TRAPPC9: variants seen among roughly 807,000 people sequenced by gnomAD.
The protein encoded by TRAPPC9 is IKK2 binding protein.
A neutral mutation model predicts 124.0 loss-of-function variants in TRAPPC9; 83 were observed. The ratio of observed to expected loss-of-function variants is 0.67; its 90% CI spans 0.56 to 0.80. The LOEUF is 0.80. TRAPPC9 is among the 30% of genes least tolerant of loss of function. TRAPPC9 has a pLI of 0.00. For synonymous variants in TRAPPC9, 638 were observed against 617.5 expected (o/e 1.03, Z -0.49); for missense variants, 1,302 against 1,508.3 (o/e 0.86, Z 2.27).
In TRAPPC9 at chr8:139,910,203, G is replaced by C; in HGVS notation, c.2908C>G (p.Arg970Gly). ...FANPKQLEEE[R>G]REARGLEIHS... is the part of the protein sequence containing the mutation. The stretch of plus-strand genomic sequence containing the variant: ...ATCTCCAGGCCTCGGGCTTCCCGCC[G>C]CTCTTCCTCCAGCTGCTTGGGGTTT... The change falls in exon 20 of 23, where the codon CGG becomes GGG. Residue 970 changes from arginine (R) to glycine (G), a missense_variant. This residue lies in a region of TRAPPC9 where 640 missense variants were observed against 679.3 expected (regional missense o/e 0.94). Coordinates refer to ENST00000438773, the MANE Select transcript of TRAPPC9 (RefSeq NM_001160372.4). 3.7e-6 allele frequency: 6 copies of C among 1,614,154 alleles called. No individual in the cohort carries two copies. Among genetic ancestry groups the C allele is most frequent in the Non-Finnish European group, 5.1e-6 (6 of 1,180,018 alleles).
chr8:139,756,996 T>A (rs1379707127), intron 21 of TRAPPC9, among the ~76,000 whole-genome samples: 1 of 37,476 alleles, frequency 2.7e-5, no homozygotes. Flanking sequence ...GAGGACAGCA[T>A]GTCGCAGGAG....
intron 16 of TRAPPC9, among the ~76,000 whole-genome samples, chr8:140,245,411 G>A (rs1022718645): frequency 6.6e-5 from 10 of 152,066 alleles, no homozygotes; most frequent in African/African-American, 1.5e-4. Flanking sequence ...TTTTAAATGC[G>A]TCATTTAACT....
rs1345640759 is a variant in TRAPPC9, at chr8:140,216,472, C to T, written c.2556+4987G>A. On this transcript the variant is annotated intron_variant, in intron 17 of 22. Coordinates refer to ENST00000438773, the MANE Select transcript of TRAPPC9 (RefSeq NM_001160372.4). This position sits in a 1 kb window ranked among gnomAD's most constrained non-coding sequence, Gnocchi z 4.1. ...AACTGTAAGAGCCTATCCTGTGAGA[C>T]ACAGAAAAAATCCTCTTCTTGTCTA... Among the ~76,000 whole-genome samples, 1 of 152,196 alleles carries T rather than the reference C, an allele frequency of 6.6e-6. No homozygotes were observed. The highest frequency in any genetic ancestry group is 1.5e-5 in the Non-Finnish European group (1 of 68,022).
chr8:140,265,547 C>T (rs1379430892), intron 15 of TRAPPC9, among the ~76,000 whole-genome samples: 4 of 152,162 alleles, frequency 2.6e-5, no homozygotes, highest in African/African-American at 9.7e-5. Context: ...TTTCCCCATC[C>T]TTCCTGTGGC....
chr8:140,176,204 G>C (rs1003828534), intron 17 of TRAPPC9, among the ~76,000 whole-genome samples: 66 of 152,322 alleles, frequency 4.3e-4, no homozygotes, highest in African/African-American at 1.6e-3. Flanking sequence ...GCCACTCCAA[G>C]TGTATGCAAA....
In TRAPPC9 at chr8:139,962,074, A is replaced by C. The variant is rs1835396000; in HGVS notation, c.2810+26652T>G. 1.6e-5 allele frequency among the ~76,000 whole-genome samples: 2 copies of C among 124,212 alleles called. 1 individual carries two copies. The highest frequency in any genetic ancestry group is 5.1e-5 in the African/African-American group (2 of 39,300). 81.5% of individuals were successfully genotyped at this position (124,212 alleles called of 152,430 possible). On this transcript the variant is annotated intron_variant, in intron 19 of 22. Coordinates refer to ENST00000438773, the MANE Select transcript of TRAPPC9 (RefSeq NM_001160372.4). Reference sequence around the variant, plus strand: ...GGGCCTCTTCTCTGCTGAGAACTGAACACTTGAAGGATGACTTGCCTACAA... The same window carrying C: ...GGGCCTCTTCTCTGCTGAGAACTGACCACTTGAAGGATGACTTGCCTACAA...
At chr8:139,988,448 A>G (rs1837395389) in intron 19 of TRAPPC9, among the ~76,000 whole-genome samples, 1 of 151,858 alleles carries the variant, frequency 6.6e-6, no homozygotes, top group Non-Finnish European at 1.5e-5. Context: ...AACAGCAAAG[A>G]TGCCCGGATG....
At chr8:140,424,553 C>T (rs1296797133) in intron 5 of TRAPPC9, among the ~76,000 whole-genome samples, 1 of 150,722 alleles carries the variant, frequency 6.6e-6, no homozygotes, top group Non-Finnish European at 1.5e-5. Context: ...GCAGAATTGC[C>T]TGGAGTTCAA....
At chr8:140,117,981 AT>A (rs1344624476) in intron 17 of TRAPPC9, among the ~76,000 whole-genome samples, 1 of 152,270 alleles carries the variant, frequency 6.6e-6, no homozygotes, top group Non-Finnish European at 1.5e-5. Flanking sequence ...GAACTATACC[AT>A]TTACCTGCAA....
At chr8:139,819,359 G>C (rs1825092007) in intron 21 of TRAPPC9, among the ~76,000 whole-genome samples, 1 of 152,074 alleles carries the variant, frequency 6.6e-6, no homozygotes, top group South Asian at 2.1e-4. Flanking sequence ...AATAATAGTA[G>C]AAATAAAGTG....
intron 17 of TRAPPC9, among the ~76,000 whole-genome samples, chr8:140,036,339 C>T (rs909065033): frequency 6.6e-6 from 1 of 151,812 alleles, no homozygotes; most frequent in African/African-American, 2.4e-5. Context: ...CTGATGGGGA[C>T]GTGTTCGGGG....
Position 140,285,418 on chromosome 8 carries a change from C to T in TRAPPC9, c.1982-1397G>A, listed in dbSNP as rs749238590. On this transcript the variant is annotated intron_variant, in intron 13 of 22. Transcript: ENST00000438773. ...TGCTGTCCCTGCCTCCAGTCCTTCC[C>T]ATCTCAACAGGGATCCTGGATCCTG... 6.2e-4 allele frequency among the ~76,000 whole-genome samples: 94 copies of T among 152,312 alleles called. 1 individual carries two copies. The highest frequency in any genetic ancestry group is 1.0e-3 in the Non-Finnish European group (70 of 68,030).
At chr8:140,195,292 C>A (rs1372584354) in intron 17 of TRAPPC9, among the ~76,000 whole-genome samples, 10 of 142,760 alleles carry the variant, frequency 7.0e-5, no homozygotes, top group African/African-American at 2.6e-4. Context: ...CCTGTGACAC[C>A]AAAACACACT....
intron 17 of TRAPPC9, among the ~76,000 whole-genome samples, chr8:140,081,738 G>A (rs888877951): frequency 4.6e-5 from 7 of 152,158 alleles, no homozygotes; most frequent in East Asian, 3.8e-4. Flanking sequence ...CAAGTCGCAC[G>A]TTCTTTTGGG....
At chr8:139,969,014 G>C (rs551157170) in intron 19 of TRAPPC9, among the ~76,000 whole-genome samples, 23 of 152,350 alleles carry the variant, frequency 1.5e-4, no homozygotes, top group African/African-American at 5.5e-4. Context: ...AGGAACAGGA[G>C]TCATGGTTTT....
chr8:140,421,940 C>T (rs916680830), intron 5 of TRAPPC9, among the ~76,000 whole-genome samples: 1 of 140,370 alleles, frequency 7.1e-6, no homozygotes, highest in East Asian at 2.1e-4. Flanking sequence ...AATAAACCTA[C>T]GCCGAACTCT....
In TRAPPC9 at chr8:140,252,626, G is replaced by T; in HGVS notation, c.2431+151C>A. 1.2e-6 allele frequency: 1 copy of T among 809,714 alleles called. No homozygotes were observed. The highest frequency in any genetic ancestry group is 2.1e-6 in the Non-Finnish European group (1 of 487,212). 50.2% of individuals were successfully genotyped at this position (809,714 alleles called of 1,614,324 possible). A position where few individuals can be genotyped will look rare whatever the true frequency, so the allele number is the denominator to read the frequency against. On this transcript the variant is annotated intron_variant, in intron 16 of 22. Transcript: ENST00000438773. The surrounding 1 kb of genome is among the most constrained non-coding windows in gnomAD (Gnocchi z 4.2). ...TCAGACACATACAGTAACACACTCT[G>T]TTAACAAAGTGCCCAGGAGATGTCT...
Position 140,399,509 on chromosome 8 carries a change from G to T in TRAPPC9, c.1009-1764C>A, listed in dbSNP as rs568880285. ...GGATACGAGACATGGAATCAAAGGA[G>T]ATCATTTTAGAGCTTTAAGATTTGA... On this transcript the variant is annotated intron_variant, in intron 6 of 22. Transcript: ENST00000438773. Among the ~76,000 whole-genome samples the T allele has an allele frequency of 2.0e-5, 3 of 152,366 alleles. No individual in the cohort carries two copies. The East Asian group carries it at 5.8e-4, about 29-fold the overall frequency.
At chr8:139,940,912 A>G (rs1343113873) in intron 19 of TRAPPC9, among the ~76,000 whole-genome samples, 2 of 152,210 alleles carry the variant, frequency 1.3e-5, no homozygotes, top group Non-Finnish European at 2.9e-5. Flanking sequence ...GAAGGGGACA[A>G]GGCTGTGGGT....
Sources: allele counts gnomAD v4.1 joint callset (sites outside exome capture counted in the v4.1 genomes callset), GRCh38; gene constraint gnomAD v4.1.1; regional missense constraint gnomAD v4.1.1; non-coding constraint Gnocchi (gnomAD v3.1); transcripts MANE v1.5; gene names NCBI Gene and HGNC (gene_info 2026-07-23, HGNC 2026-07-21).